Variants in ERBIN observed in about 807,000 individuals in gnomAD.
The protein encoded by ERBIN is erbb2 interacting protein.
A neutral mutation model predicts 158.4 loss-of-function variants in ERBIN; 60 were observed. That is an observed-to-expected ratio of 0.38 (90% CI 0.31 to 0.47). ERBIN has a LOEUF of 0.47. Ranked by LOEUF, ERBIN falls within the 20% of genes least tolerant of loss-of-function variation. The probability of loss-of-function intolerance (pLI) is 0.99; values close to 1 mark genes in which losing one functional copy is unlikely to be tolerated. For missense variants in ERBIN, 1,610 were observed against 1,648.0 expected, an observed-to-expected ratio of 0.98 and a Z score of 0.40; for synonymous variants, 594 against 557.2, an observed-to-expected ratio of 1.07 and a Z score of -0.93.
intron 15 of ERBIN, among the ~76,000 whole-genome samples, chr5:66,042,394 T>C (rs1757998398): frequency 6.6e-6 from 1 of 152,076 alleles, no homozygotes; most frequent in South Asian, 2.1e-4. Flanking sequence ...GTATCTCTTA[T>C]CCAAAATGCT....
At chr5:66,041,430 G>A (rs183923335) in intron 15 of ERBIN, among the ~76,000 whole-genome samples, 286 of 152,054 alleles carry the variant, frequency 1.9e-3, no homozygotes, top group South Asian at 3.7e-3. Flanking sequence ...GCAGGTCTTA[G>A]GTGGAGAGAA....
chr5:66,056,169 G>T (rs191031472), intron 21 of ERBIN, among the ~76,000 whole-genome samples: 21 of 152,256 alleles, frequency 1.4e-4, no homozygotes, highest in African/African-American at 4.6e-4. Context: ...ATGCCGTTTA[G>T]TAATCTAGAT....
Position 65,993,723 on chromosome 5 carries a change from G to GA in ERBIN, c.189+824dup, listed in dbSNP as rs202097751. 6.6e-5 allele frequency among the ~76,000 whole-genome samples: 10 copies of GA among 151,632 alleles called. No individual in the cohort carries two copies. The East Asian group carries it at 9.7e-4, about 15-fold the overall frequency. On this transcript the variant is annotated intron_variant, in intron 3 of 25. Transcript: ENST00000284037. ...TTCAGTATGTGTGGGCAGCATTTTG[G>GA]AAAAAAAACTATAAATTTGGACTGC...
chr5:66,053,525 A>C lies in ERBIN; in HGVS notation c.2207A>C (p.Asn736Thr), dbSNP rs1199524433. 1 of 1,611,080 alleles carries C rather than the reference A, an allele frequency of 6.2e-7. No individual in the cohort carries two copies. The highest frequency in any genetic ancestry group is 1.3e-5 in the African/African-American group (1 of 74,664). Residue 736 changes from asparagine (N) to threonine (T), a missense_variant, in exon 21 of 26, where the codon AAT becomes ACT. By Grantham distance (65) the Asn-to-Thr change is moderately conservative. Coordinates refer to ENST00000284037, the MANE Select transcript of ERBIN (RefSeq NM_001253697.2). ...KDFNLPEYDL[N>T]VEERLVLIEK... ...TTTAACTTACCTGAATATGATTTGA[A>C]TGTTGAAGAGCGATTAGTTCTAATT... is the stretch of plus-strand genomic sequence containing the variant.
At chr5:65,940,896 A>G (rs1580088857) in intron 1 of ERBIN, among the ~76,000 whole-genome samples, 1 of 152,162 alleles carries the variant, frequency 6.6e-6, no homozygotes, top group South Asian at 2.1e-4. Flanking sequence ...CGGGGAAAGG[A>G]TTGAGAAATT....
At chr5:65,944,226 A>G (rs72768100) in intron 1 of ERBIN, among the ~76,000 whole-genome samples, 1 of 14,014 alleles carries the variant, frequency 7.1e-5, no homozygotes, top group African/African-American at 3.0e-4. Context: ...TTTTTTTTTT[A>G]AGGAACCACC....
intron 10 of ERBIN, 37 bp from the exon 11 acceptor site, chr5:66,025,443 A>T: frequency 6.6e-7 from 1 of 1,508,092 alleles, no homozygotes; most frequent in Non-Finnish European, 9.2e-7. Flanking sequence ...CTTCTATTTT[A>T]AGCTGAAAAA....
intron 23 of ERBIN, among the ~76,000 whole-genome samples, chr5:66,075,905 T>C (rs1184515175): frequency 6.6e-6 from 1 of 152,180 alleles, no homozygotes; most frequent in Non-Finnish European, 1.5e-5. Flanking sequence ...GTGGATCTTT[T>C]AGATATCTTA....
At chr5:65,955,467 TA>T (rs1413164182) in intron 1 of ERBIN, among the ~76,000 whole-genome samples, 3 of 151,984 alleles carry the variant, frequency 2.0e-5, no homozygotes, top group Non-Finnish European at 4.4e-5. Context: ...CCATCTTTAC[TA>T]AAAATAGAAA....
At chr5:65,948,313 T>A (rs1746051105) in intron 1 of ERBIN, among the ~76,000 whole-genome samples, 2 of 151,730 alleles carry the variant, frequency 1.3e-5, no homozygotes, top group Admixed American at 1.3e-4. Context: ...TAGCTGGGAC[T>A]ACAAGTGCGG....
chr5:66,041,709 A>G (rs894424107), intron 15 of ERBIN, among the ~76,000 whole-genome samples: 2 of 152,020 alleles, frequency 1.3e-5, no homozygotes, highest in Non-Finnish European at 1.5e-5. Context: ...TCTCTGGGCC[A>G]AGCTGGTGAT....
chr5:65,933,121 T>G (rs1304677738), intron 1 of ERBIN, among the ~76,000 whole-genome samples: 6 of 152,246 alleles, frequency 3.9e-5, no homozygotes, highest in African/African-American at 9.6e-5. Flanking sequence ...CTATTTTTGG[T>G]CTGCATGTAA....
intron 1 of ERBIN, among the ~76,000 whole-genome samples, chr5:65,931,469 T>A (rs1336501078): frequency 6.6e-6 from 1 of 152,242 alleles, no homozygotes; most frequent in Non-Finnish European, 1.5e-5. Flanking sequence ...ATGGTATAAT[T>A]ACAAGAAATA....
intron 4 of ERBIN, 44 bp from the exon 5 acceptor site, chr5:66,012,005 C>A: frequency 8.0e-7 from 1 of 1,245,582 alleles, no homozygotes; most frequent in South Asian, 1.3e-5. Context: ...ATTATTTTGT[C>A]CTTTGTAATA....
chr5:66,020,265 T>C (rs1755549410), intron 7 of ERBIN, among the ~76,000 whole-genome samples: 1 of 152,102 alleles, frequency 6.6e-6, no homozygotes, highest in African/African-American at 2.4e-5. Context: ...TGTTTGTTTT[T>C]ATATTTTTGA....
chr5:65,955,841 T>C (rs1747048080), intron 1 of ERBIN, among the ~76,000 whole-genome samples: 1 of 152,192 alleles, frequency 6.6e-6, no homozygotes, highest in Admixed American at 6.5e-5. Flanking sequence ...ATTCCAGAAA[T>C]AATTTGTAAG....
chr5:65,940,626 C>T (rs1744831659), intron 1 of ERBIN, among the ~76,000 whole-genome samples: 1 of 144,482 alleles, frequency 6.9e-6, no homozygotes. Context: ...CGGCCAGCCG[C>T]CCCGTCCGGG....
At chr5:65,978,785 A>G (rs1461246191) in intron 1 of ERBIN, among the ~76,000 whole-genome samples, 1 of 152,226 alleles carries the variant, frequency 6.6e-6, no homozygotes, top group African/African-American at 2.4e-5. Context: ...ACATTTTGCC[A>G]AGAAGTCGCA....
intron 15 of ERBIN, among the ~76,000 whole-genome samples, chr5:66,041,347 A>C (rs1757900143): frequency 6.6e-6 from 1 of 152,008 alleles, no homozygotes; most frequent in Admixed American, 6.6e-5. Context: ...GATTGAGGAC[A>C]TCAAGGAATT....
Sources: gnomAD v4.1 joint callset for allele counts (sites outside exome capture counted in the v4.1 genomes callset) on GRCh38, gnomAD v4.1.1 for gene constraint, MANE v1.5 for transcripts, NCBI Gene and HGNC (gene_info 2026-07-23, HGNC 2026-07-21) for gene names.